MITF: variants seen among roughly 807,000 people sequenced by gnomAD.
The protein encoded by MITF is melanocyte inducing transcription factor.
Under a neutral mutation model 60.5 loss-of-function variants are expected in MITF, and 17 were observed. That is an observed-to-expected ratio of 0.28 (90% CI 0.19 to 0.42). The LOEUF (loss-of-function observed/expected upper bound fraction) is 0.42, where lower values mean the gene tolerates loss of function less well. Among genes scored for constraint, MITF ranks in the 10% least tolerant of loss-of-function variants. The pLI, the probability that MITF is intolerant of heterozygous loss-of-function variation, is 1.00. For synonymous variants in MITF, 260 were observed against 248.5 expected (o/e 1.05, Z -0.43); for missense variants, 622 against 683.5 (o/e 0.91, Z 1.00).
chr3:69,890,279 G>A (rs2064729953), intron 2 of MITF, among the ~76,000 whole-genome samples: 1 of 152,092 alleles, frequency 6.6e-6, no homozygotes. Context: ...ACTCATCTCT[G>A]CCAATAGCCT....
rs199910461 is a variant in MITF, at chr3:69,868,728, G to A, written c.105-10406G>A. ...AGCCTGGCCAACATGATGAAATCCC[G>A]TCTCTACTAAAAATACAAAAATTAG... On this transcript the variant is annotated intron_variant, in intron 1 of 9. Coordinates refer to ENST00000352241, the MANE Select transcript of MITF (RefSeq NM_001354604.2). Among the ~76,000 whole-genome samples, 50 of 151,978 alleles carry A rather than the reference G, an allele frequency of 3.3e-4. 1 individual carries two copies. The South Asian group carries it at 8.1e-3, about 25-fold the overall frequency.
chr3:69,786,617 G>C (rs930263884), intron 1 of MITF, among the ~76,000 whole-genome samples: 2 of 152,076 alleles, frequency 1.3e-5, no homozygotes, highest in African/African-American at 4.8e-5. Context: ...GAGATGACTG[G>C]TGACAATCCT....
intron 1 of MITF, among the ~76,000 whole-genome samples, chr3:69,843,969 CA>C (rs1407454800): frequency 6.6e-6 from 1 of 152,162 alleles, no homozygotes; most frequent in African/African-American, 2.4e-5. Context: ...GTTCAACTCC[CA>C]CTTACGAGTG....
At chr3:69,802,683 C>CTTT (rs34396439) in intron 1 of MITF, among the ~76,000 whole-genome samples, 2 of 66,210 alleles carry the variant, frequency 3.0e-5, no homozygotes, top group African/African-American at 6.6e-5. Flanking sequence ...AGTCCATATT[C>CTTT]TTTTTTTTTT....
In MITF at chr3:69,904,386, T is replaced by A. The variant is rs1050833117; in HGVS notation, c.354+25003T>A. ...TTGTGAATTTGCCCATACCAGGTAC[T>A]GACTAGCATGAAAAATAGTGACAGA... On this transcript the variant is annotated intron_variant, in intron 2 of 9. Transcript: ENST00000352241. Among the ~76,000 whole-genome samples, 5 of 152,328 alleles carry A rather than the reference T, an allele frequency of 3.3e-5. No homozygotes were observed. In the East Asian group the frequency reaches 9.7e-4, roughly 29 times the overall value.
intron 1 of MITF, among the ~76,000 whole-genome samples, chr3:69,765,023 G>A (rs904760267): frequency 3.3e-5 from 5 of 152,150 alleles, no homozygotes; most frequent in Admixed American, 3.3e-4. Flanking sequence ...TGTGCTGGAC[G>A]CTGGAAGCCA....
chr3:69,966,001 T>C lies in MITF; in HGVS notation c.*753T>C, dbSNP rs2066681961. On this transcript the variant is annotated 3_prime_UTR_variant, in exon 10 of 10. Coordinates refer to ENST00000352241, the MANE Select transcript of MITF (RefSeq NM_001354604.2). ...CCAGTTTTTCATAAGATATTTTATT[T>C]TGAAATGGAAATTAATGTCCTCTCA... 1 of 232,138 alleles carries C rather than the reference T, an allele frequency of 4.3e-6. No individual in the cohort carries two copies. Among genetic ancestry groups the C allele is most frequent in the South Asian group, 1.8e-4 (1 of 5,520 alleles). 14.4% of individuals were successfully genotyped at this position (232,138 alleles called of 1,614,324 possible). A position where few individuals can be genotyped will look rare whatever the true frequency, so the allele number is the denominator to read the frequency against.
intron 6 of MITF, 130 bp downstream of exon 6, chr3:69,949,298 G>T: frequency 3.1e-6 from 2 of 655,294 alleles, no homozygotes; most frequent in Non-Finnish European, 5.5e-6. Context: ...CTCTGCAGTG[G>T]TTAAAACATT....
At chr3:69,896,609 G>C (rs564975073) in intron 2 of MITF, among the ~76,000 whole-genome samples, 20 of 152,252 alleles carry the variant, frequency 1.3e-4, no homozygotes, top group African/African-American at 4.6e-4. Context: ...TAGGTTTTGA[G>C]GGATCTGCCC....
intron 1 of MITF, among the ~76,000 whole-genome samples, chr3:69,860,537 G>A (rs556538600): frequency 5.1e-4 from 75 of 147,418 alleles, no homozygotes; most frequent in African/African-American, 1.8e-3. Context: ...GGCGGAGCTT[G>A]CAGTGAGCGG....
intron 2 of MITF, among the ~76,000 whole-genome samples, chr3:69,925,044 T>C (rs1422545704): frequency 4.6e-5 from 7 of 152,168 alleles, no homozygotes; most frequent in Non-Finnish European, 1.0e-4. Context: ...TTGTGAGCTA[T>C]ATGATTTAAC....
intron 1 of MITF, among the ~76,000 whole-genome samples, chr3:69,815,699 C>A (rs2063170837): frequency 6.6e-6 from 1 of 152,098 alleles, no homozygotes; most frequent in South Asian, 2.1e-4. Flanking sequence ...GGATTTTTGA[C>A]TGTGTGTGTG....
intron 1 of MITF, among the ~76,000 whole-genome samples, chr3:69,851,840 A>G (rs1321827459): frequency 6.6e-6 from 1 of 152,212 alleles, no homozygotes; most frequent in African/African-American, 2.4e-5. Context: ...TTTACCCAAT[A>G]TGCTCACATG....
rs775874571 is a variant in MITF, at chr3:69,739,560, C to T, written c.-38C>T. ...CTTCCCTCCGCCCCCGGGCTCTGTTCTCACTTTCCAGCAGTGGAAGGACGG... is the reference window on the plus strand; with the variant it reads ...CTTCCCTCCGCCCCCGGGCTCTGTTTTCACTTTCCAGCAGTGGAAGGACGG... On this transcript the variant is annotated 5_prime_UTR_variant, in exon 1 of 10. Coordinates refer to ENST00000352241, the MANE Select transcript of MITF (RefSeq NM_001354604.2). The T allele has an allele frequency of 4.6e-6, 7 of 1,532,202 alleles. No individual in the cohort carries two copies. Among genetic ancestry groups the T allele is most frequent in the Non-Finnish European group, 6.2e-6 (7 of 1,128,108 alleles). 94.9% of individuals were successfully genotyped at this position (1,532,202 alleles called of 1,614,324 possible). A position where few individuals can be genotyped will look rare whatever the true frequency, so the allele number is the denominator to read the frequency against.
At chr3:69,906,125 TA>T (rs1423454794) in intron 2 of MITF, among the ~76,000 whole-genome samples, 1 of 152,190 alleles carries the variant, frequency 6.6e-6, no homozygotes, top group Non-Finnish European at 1.5e-5. Context: ...CATTTTGAGT[TA>T]ATTTTTATAT....
At chr3:69,822,934 CTGT>C (rs2063299209) in intron 1 of MITF, among the ~76,000 whole-genome samples, 1 of 150,256 alleles carries the variant, frequency 6.7e-6, no homozygotes, top group Non-Finnish European at 1.5e-5. Context: ...GAGTCTCACT[CTGT>C]CACCCAGGGT....
intron 1 of MITF, among the ~76,000 whole-genome samples, chr3:69,852,783 T>A (rs1421261433): frequency 6.6e-6 from 1 of 152,208 alleles, no homozygotes; most frequent in Non-Finnish European, 1.5e-5. Context: ...AGGAGCAGCA[T>A]CTGAGTGTGC....
intron 9 of MITF, among the ~76,000 whole-genome samples, chr3:69,964,200 A>G (rs1261529435): frequency 6.7e-6 from 1 of 149,766 alleles, no homozygotes; most frequent in African/African-American, 2.4e-5. Context: ...CTGATCTCAA[A>G]CTCCTGACCT....
chr3:69,883,685 G>A (rs2064542138), intron 2 of MITF, among the ~76,000 whole-genome samples: 1 of 152,140 alleles, frequency 6.6e-6, no homozygotes, highest in Admixed American at 6.5e-5. Flanking sequence ...GCATCATGGT[G>A]GCTGCAAGAA....
Sources: gnomAD v4.1 joint callset for allele counts (sites outside exome capture counted in the v4.1 genomes callset) on GRCh38, gnomAD v4.1.1 for gene constraint, MANE v1.5 for transcripts, NCBI Gene and HGNC (gene_info 2026-07-23, HGNC 2026-07-21) for gene names.